TAFA2: variants seen among roughly 807,000 people sequenced by gnomAD.
TAFA2 encodes chemokine-like protein TAFA-2.
In TAFA2, 7 loss-of-function variants were observed where a neutral mutation model predicts 18.8. The observed-to-expected ratio is 0.37, with a 90% confidence interval of 0.21 to 0.70. The LOEUF (loss-of-function observed/expected upper bound fraction) is 0.70. TAFA2 is among the 30% of genes least tolerant of loss of function. The pLI is 0.53. For synonymous variants in TAFA2, 60 were observed against 54.2 expected (o/e 1.11, Z -0.47); for missense variants, 122 against 158.1 (o/e 0.77, Z 1.23).
At chr12:62,070,210 T>G (rs1420634630) in intron 1 of TAFA2, among the ~76,000 whole-genome samples, 3 of 152,198 alleles carry the variant, frequency 2.0e-5, no homozygotes, top group Non-Finnish European at 2.9e-5. Flanking sequence ...CAGAGATATC[T>G]TAATCTCTTT....
At chr12:62,234,080 G>A (rs1450460640) in intron 1 of TAFA2, among the ~76,000 whole-genome samples, 1 of 152,114 alleles carries the variant, frequency 6.6e-6, no homozygotes, top group Non-Finnish European at 1.5e-5. Context: ...AATCCTTACT[G>A]TCCATGCCAT....
chr12:62,086,670 T>C (rs938011053), intron 1 of TAFA2, among the ~76,000 whole-genome samples: 2 of 152,050 alleles, frequency 1.3e-5, no homozygotes, highest in African/African-American at 4.8e-5. Context: ...TTAGTGAGGA[T>C]GTAGAGAAAA....
At chr12:61,748,615 G>C (rs1220017689) in intron 4 of TAFA2, among the ~76,000 whole-genome samples, 2 of 152,110 alleles carry the variant, frequency 1.3e-5, no homozygotes, top group African/African-American at 4.8e-5. Context: ...CAGCAGAGCA[G>C]AGTCACTGAG....
chr12:62,174,171 AGTCCCAGCTACTCACACG>A (rs1243294907), intron 1 of TAFA2, among the ~76,000 whole-genome samples: 6 of 152,054 alleles, frequency 3.9e-5, no homozygotes, highest in Non-Finnish European at 7.4e-5. Flanking sequence ...GCACGCCTGT[AGTCCCAGCTACTCACACG>A]CCTGTAGTCC....
At chr12:62,108,902 G>A (rs1869592256) in intron 1 of TAFA2, among the ~76,000 whole-genome samples, 1 of 151,448 alleles carries the variant, frequency 6.6e-6, no homozygotes, top group East Asian at 2.0e-4. Context: ...TGGAAAGATT[G>A]CAAAATTTTT....
intron 1 of TAFA2, among the ~76,000 whole-genome samples, chr12:61,962,840 G>A (rs180682214): frequency 5.8e-4 from 88 of 151,972 alleles, no homozygotes; most frequent in African/African-American, 2.1e-3. Flanking sequence ...ATGGTGGTTT[G>A]CTGCACCCAT....
chr12:61,836,250 T>C (rs1193302301), intron 2 of TAFA2, among the ~76,000 whole-genome samples: 1 of 151,670 alleles, frequency 6.6e-6, no homozygotes, highest in Non-Finnish European at 1.5e-5. Flanking sequence ...TGAGTAAGAG[T>C]CAACAAAGAC....
intron 1 of TAFA2, among the ~76,000 whole-genome samples, chr12:62,109,269 T>G (rs1307416980): frequency 2.6e-5 from 4 of 152,236 alleles, no homozygotes; most frequent in African/African-American, 7.2e-5. Flanking sequence ...TTGTCAGGTT[T>G]GTCGAAGATC....
chr12:62,171,429 T>C (rs1422612005), intron 1 of TAFA2, among the ~76,000 whole-genome samples: 1 of 152,220 alleles, frequency 6.6e-6, no homozygotes, highest in Admixed American at 6.5e-5. Flanking sequence ...TTCTGCTATA[T>C]GGCATTTCCT....
chr12:62,138,857 AG>A (rs2062218146), intron 1 of TAFA2, among the ~76,000 whole-genome samples: 4 of 152,216 alleles, frequency 2.6e-5, no homozygotes, highest in Admixed American at 2.6e-4. Context: ...TAGCCTTTGC[AG>A]AAGAGGTGTG....
intron 1 of TAFA2, among the ~76,000 whole-genome samples, chr12:62,244,237 CTTT>C (rs35569192): frequency 6.0e-5 from 8 of 134,268 alleles, no homozygotes; most frequent in Admixed American, 7.3e-5. Context: ...TTTCTTTTGT[CTTT>C]TTTTTTTTTT....
At chr12:61,973,979 T>G (rs1879344957) in intron 1 of TAFA2, among the ~76,000 whole-genome samples, 1 of 151,726 alleles carries the variant, frequency 6.6e-6, no homozygotes, top group Non-Finnish European at 1.5e-5. Context: ...ATAAAAATTC[T>G]TATTAAAACT....
At chr12:61,889,964 T>C (rs1875555774) in intron 1 of TAFA2, among the ~76,000 whole-genome samples, 1 of 152,224 alleles carries the variant, frequency 6.6e-6, no homozygotes, top group Non-Finnish European at 1.5e-5. Context: ...TCCATTTCTT[T>C]TACTCTATTA....
intron 1 of TAFA2, among the ~76,000 whole-genome samples, chr12:61,908,463 A>G (rs912144899): frequency 4.6e-5 from 7 of 152,116 alleles, no homozygotes; most frequent in African/African-American, 1.7e-4. Context: ...AGGCCTCCCC[A>G]GCCATGTGTA....
intron 1 of TAFA2, among the ~76,000 whole-genome samples, chr12:61,954,777 C>T (rs1035583778): frequency 1.3e-5 from 2 of 152,134 alleles, no homozygotes; most frequent in Admixed American, 6.6e-5. Context: ...GTGAGTGATA[C>T]TAAGCAACCT....
intron 1 of TAFA2, among the ~76,000 whole-genome samples, chr12:61,981,219 C>T (rs1205540360): frequency 6.6e-6 from 1 of 152,172 alleles, no homozygotes; most frequent in Admixed American, 6.5e-5. Context: ...AAAGGATTCC[C>T]TATTTAATAA....
At chr12:62,249,617 G>C (rs544089496) in intron 1 of TAFA2, among the ~76,000 whole-genome samples, 3 of 152,110 alleles carry the variant, frequency 2.0e-5, no homozygotes, top group African/African-American at 7.2e-5. Flanking sequence ...AAAATTTCTG[G>C]TGTAGTCAGC....
At chr12:61,896,607 A>G (rs942433991) in intron 1 of TAFA2, among the ~76,000 whole-genome samples, 1 of 152,170 alleles carries the variant, frequency 6.6e-6, no homozygotes, top group African/African-American at 2.4e-5. Flanking sequence ...GCTTGTTTTA[A>G]TCAGTAGTTC....
At chr12:61,923,673 C>T (rs1877154792) in intron 1 of TAFA2, among the ~76,000 whole-genome samples, 1 of 151,972 alleles carries the variant, frequency 6.6e-6, no homozygotes, top group Non-Finnish European at 1.5e-5. Context: ...ACCCAGAATG[C>T]CTATTCTCCT....
Sources: allele counts gnomAD v4.1 joint callset (sites outside exome capture counted in the v4.1 genomes callset), GRCh38; gene constraint gnomAD v4.1.1; transcripts MANE v1.5; gene names NCBI Gene and HGNC (gene_info 2026-07-23, HGNC 2026-07-21).